The following CSF1 variants were observed in gnomAD, a reference collection of about 807,000 sequenced individuals.
CSF1 encodes macrophage colony-stimulating factor 1.
Under a neutral mutation model 48.9 loss-of-function variants are expected in CSF1, and 9 were observed. That is an observed-to-expected ratio of 0.18 (90% confidence interval 0.11 to 0.32). The LOEUF (loss-of-function observed/expected upper bound fraction) is 0.32. CSF1 is among the 10% of genes least tolerant of loss of function. The pLI, the probability that CSF1 is intolerant of heterozygous loss-of-function variation, is 1.00. For missense variants in CSF1, 672 were observed against 697.9 expected, an observed-to-expected ratio of 0.96 and a Z score of 0.42; for synonymous variants, 305 against 284.1, an observed-to-expected ratio of 1.07 and a Z score of -0.74.
In CSF1 at chr1:109,910,946, C is replaced by A. The variant is rs1654651133; in HGVS notation, c.-78C>A. The A allele has an allele frequency of 1.9e-6, 2 of 1,074,186 alleles. No individual in the cohort carries two copies. Among genetic ancestry groups the A allele is most frequent in the African/African-American group, 1.7e-5 (1 of 59,414 alleles). The allele number at this position is 1,074,186 out of a possible 1,614,324, so 66.5% of individuals were successfully genotyped here. On this transcript the variant is annotated 5_prime_UTR_variant, in exon 1 of 9. Coordinates refer to ENST00000329608, the MANE Select transcript of CSF1 (RefSeq NM_000757.6). Reference sequence around the variant, plus strand: ...ACAGCGGTGCGGCCCTCGGCCGGGGCGCCCACTCCGCAGCAGCCAGCGAGC... The same window carrying A: ...ACAGCGGTGCGGCCCTCGGCCGGGGAGCCCACTCCGCAGCAGCCAGCGAGC...
chr1:109,928,678 A>G (rs1230114490), intron 8 of CSF1, among the ~76,000 whole-genome samples, 174 bp from the exon 9 acceptor site: 2 of 152,006 alleles, frequency 1.3e-5, no homozygotes, highest in African/African-American at 4.8e-5. Flanking sequence ...CTGGTGCCAG[A>G]GAAAGCTGCC....
At chr1:109,922,056 G>A in intron 5 of CSF1, 62 bp downstream of exon 5, 3 of 1,514,372 alleles carry the variant, frequency 2.0e-6, no homozygotes, top group Non-Finnish European at 2.7e-6. Flanking sequence ...GGGATTGGGA[G>A]GTGAGATGTG....
chr1:109,927,566 C>G (rs1043869653), intron 8 of CSF1, among the ~76,000 whole-genome samples: 4 of 151,068 alleles, frequency 2.6e-5, no homozygotes, highest in Non-Finnish European at 5.9e-5. Flanking sequence ...ACCCTCCTTT[C>G]CCCACTTGCT....
At chr1:109,925,319 C>A in intron 8 of CSF1, 117 bp downstream of exon 8, 1 of 819,586 alleles carries the variant, frequency 1.2e-6, no homozygotes, top group Non-Finnish European at 2.1e-6. Flanking sequence ...CCATGCCTCT[C>A]TCCAGTTCCC....
At chr1:109,917,910 T>A (rs1393402077) in intron 4 of CSF1, among the ~76,000 whole-genome samples, 1 of 152,162 alleles carries the variant, frequency 6.6e-6, no homozygotes, top group East Asian at 1.9e-4. Flanking sequence ...GTAGTGGTGG[T>A]GAGACAGTTA....
intron 1 of CSF1, among the ~76,000 whole-genome samples, chr1:109,912,214 G>C (rs886836581): frequency 5.9e-5 from 9 of 152,028 alleles, no homozygotes; most frequent in East Asian, 1.9e-4. Flanking sequence ...GAAAGACAAG[G>C]GGGCTGTGTT....
At chr1:109,911,837 A>G (rs780121187) in intron 1 of CSF1, among the ~76,000 whole-genome samples, 11 of 152,214 alleles carry the variant, frequency 7.2e-5, no homozygotes, top group Admixed American at 2.6e-4. Flanking sequence ...AGCTGTGTCC[A>G]GGGGCAGGGT....
rs1389827745 is a variant in CSF1, at chr1:109,930,525, G to C, written c.*1687G>C. 6.6e-6 allele frequency: 1 copy of C among 152,244 alleles called. No individual in the cohort carries two copies. The highest frequency in any genetic ancestry group is 1.5e-5 in the Non-Finnish European group (1 of 68,060). 9.4% of individuals were successfully genotyped at this position (152,244 alleles called of 1,614,324 possible). A position where few individuals can be genotyped will look rare whatever the true frequency, so the allele number is the denominator to read the frequency against. ...TTCCTGCCCAGGAAAGTGAGGGTCG[G>C]CTGGCCCCACCTTCCCTGTCCTGAT... On this transcript the variant is annotated 3_prime_UTR_variant, in exon 9 of 9. Coordinates refer to ENST00000329608, the MANE Select transcript of CSF1 (RefSeq NM_000757.6).
intron 1 of CSF1, among the ~76,000 whole-genome samples, chr1:109,912,031 G>C (rs549339016): frequency 6.6e-6 from 1 of 152,044 alleles, no homozygotes; most frequent in Non-Finnish European, 1.5e-5. Flanking sequence ...TTATTTGGGG[G>C]TAGAGGAGAG....
chr1:109,914,691 G>A (rs1295385341), intron 2 of CSF1, among the ~76,000 whole-genome samples: 2 of 152,250 alleles, frequency 1.3e-5, no homozygotes, highest in Non-Finnish European at 2.9e-5. Context: ...GGCTTCTGAG[G>A]TCTGCTGTCC....
At chr1:109,915,823 G>A (rs1570789536) in intron 3 of CSF1, 127 bp downstream of exon 3, 1 of 805,710 alleles carries the variant, frequency 1.2e-6, no homozygotes, top group Non-Finnish European at 2.1e-6. Context: ...GAGGATCCAT[G>A]GGTGCTCAAC....
rs765908652 is a variant in CSF1, at chr1:109,914,320, A to T, written c.101A>T (p.Glu34Val). The change falls in exon 2 of 9, where the codon GAG becomes GTG. Residue 34 changes from glutamate to valine, a missense_variant. Physicochemically the swap from Glu to Val is moderately radical, Grantham distance 121. This residue lies in a region of CSF1 where 53 missense variants were observed against 45.5 expected (regional missense o/e 1.17). Transcript: ENST00000329608. Reference sequence around the variant, plus strand: ...CTGGCGAGCAGGAGTATCACCGAGGAGGTGTCGGAGTACTGTAGCCACATG... The same window carrying T: ...CTGGCGAGCAGGAGTATCACCGAGGTGGTGTCGGAGTACTGTAGCCACATG... ...CLLASRSITE[E>V]VSEYCSHMIG... The T allele has an allele frequency of 5.0e-6, 8 of 1,607,814 alleles. No individual in the cohort carries two copies. Among genetic ancestry groups the T allele is most frequent in the Non-Finnish European group, 5.9e-6 (7 of 1,177,174 alleles).
Position 109,917,389 on chromosome 1 carries a change from G to A in CSF1, c.322G>A (p.Ala108Thr), listed in dbSNP as rs771447390. 80 of 1,614,056 alleles carry A rather than the reference G, an allele frequency of 5.0e-5. No individual in the cohort carries two copies. In the Middle Eastern group the frequency reaches 8.2e-4, roughly 17 times the overall value. The change falls in exon 4 of 9, where the codon GCC (alanine) becomes ACC (threonine). Residue 108 changes from alanine to threonine, a missense_variant. Ala to Thr is a moderately conservative substitution (Grantham distance 58, BLOSUM62 0). Coordinates refer to ENST00000329608, the MANE Select transcript of CSF1 (RefSeq NM_000757.6). ...RFRDNTPNAI[A>T]IVQLQELSLR... ...CAGAGATAACACCCCCAATGCCATC[G>A]CCATTGTGCAGCTGCAGGAACTCTC...
Position 109,924,305 on chromosome 1 carries a change from A to T in CSF1, c.1569+115A>T, listed in dbSNP as rs915308000. ...CGGCCTGAGTTCTTCAGACACAGAG[A>T]GATAGGGGCTGGCTCAGCACAGAGG... On this transcript the variant is annotated intron_variant, in intron 6 of 8. Transcript: ENST00000329608. The T allele has an allele frequency of 3.5e-6, 3 of 863,282 alleles. No homozygotes were observed. The African/African-American group carries it at 5.2e-5, about 15-fold the overall frequency. The allele number at this position is 863,282 out of a possible 1,614,324, so 53.5% of individuals were successfully genotyped here.
At chr1:109,928,580 A>T (rs765402394) in intron 8 of CSF1, among the ~76,000 whole-genome samples, 39 of 151,490 alleles carry the variant, frequency 2.6e-4, no homozygotes, top group Non-Finnish European at 5.3e-4. Flanking sequence ...CCCTGCCCAG[A>T]CCTCTCCCGG....
Position 109,923,194 on chromosome 1 carries a change from C to A in CSF1, c.573C>A (p.Cys191Ter). 1.3e-6 allele frequency: 2 copies of A among 1,528,110 alleles called. No individual in the cohort carries two copies. Among genetic ancestry groups the A allele is most frequent in the Non-Finnish European group, 1.8e-6 (2 of 1,138,886 alleles). The allele number at this position is 1,528,110 out of a possible 1,614,324, so 94.7% of individuals were successfully genotyped here. Residue 191 changes from cysteine (C) to a stop codon, truncating the protein, a stop_gained, in exon 6 of 9, where the codon TGC (cysteine) becomes TGA (stop). Coordinates refer to ENST00000329608, the MANE Select transcript of CSF1 (RefSeq NM_000757.6). LOFTEE classifies it high-confidence loss of function. ...QDVVTKPDCNCLYPKAIPSSD... is the reference protein window; with the variant it reads ...QDVVTKPDCN ...TGGTGACCAAGCCTGATTGCAACTG[C>A]CTGTACCCCAAAGCCATCCCTAGCA...
intron 8 of CSF1, among the ~76,000 whole-genome samples, chr1:109,925,505 TG>T (rs946896397): frequency 6.6e-6 from 1 of 152,114 alleles, no homozygotes; most frequent in Non-Finnish European, 1.5e-5. Context: ...CTTTTTCAAA[TG>T]TGGCCTTTAT....
At chr1:109,920,542 C>T (rs547068699) in intron 4 of CSF1, among the ~76,000 whole-genome samples, 20 of 152,324 alleles carry the variant, frequency 1.3e-4, no homozygotes, top group African/African-American at 4.8e-4. Context: ...TGATCTCGAA[C>T]TCCTGACCTC....
At position 109,928,888 on chromosome 1, in the gene CSF1, A is replaced by G; in HGVS notation, c.*50A>G. The stretch of plus-strand genomic sequence containing the variant: ...GAACAGTCTCTCCGTGGGAGGAGAC[A>G]TTATGGGGCGTCCACCACCACCCCT... On this transcript the variant is annotated 3_prime_UTR_variant, in exon 9 of 9. Transcript: ENST00000329608. The G allele has an allele frequency of 6.5e-6, 1 of 152,846 alleles. No individual in the cohort carries two copies. The allele number at this position is 152,846 out of a possible 1,614,324, so 9.5% of individuals were successfully genotyped here.
Sources: allele counts gnomAD v4.1 joint callset (sites outside exome capture counted in the v4.1 genomes callset), GRCh38; gene constraint gnomAD v4.1.1; regional missense constraint gnomAD v4.1.1; transcripts MANE v1.5; gene names NCBI Gene and HGNC (gene_info 2026-07-23, HGNC 2026-07-21).